Variants in NIPBL observed in about 807,000 individuals in gnomAD.
NIPBL encodes NIPBL cohesin loading factor.
NIPBL carries 19 observed loss-of-function variants against 321.8 expected under a neutral mutation model. That is an observed-to-expected ratio of 0.06 (90% CI 0.04 to 0.09). NIPBL has a LOEUF of 0.09. Ranked by LOEUF, NIPBL falls within the 10% of genes least tolerant of loss-of-function variation. The pLI, the probability that NIPBL is intolerant of heterozygous loss-of-function variation, is 1.00. For missense variants in NIPBL, 2,210 were observed against 3,327.0 expected (o/e 0.66, Z 8.26); for synonymous variants, 1,106 against 1,114.1 (o/e 0.99, Z 0.14).
chr5:37,019,630 A>T (rs2149695421), intron 25 of NIPBL, among the ~76,000 whole-genome samples: 1 of 152,314 alleles, frequency 6.6e-6, no homozygotes, highest in South Asian at 2.1e-4. Flanking sequence ...GTGACAAGAG[A>T]AATATTTGGA....
rs1378050646 is a variant in NIPBL at position 37,045,549 on chromosome 5, A to G, written c.6450A>G (p.Leu2150=). The G allele has an allele frequency of 8.7e-6, 14 of 1,614,002 alleles. No homozygotes were observed. Among genetic ancestry groups the G allele is most frequent in the Admixed American group, 1.7e-5 (1 of 59,992 alleles). ...LLRSLFTVGA[L]CRHFDFDLED... is the part of the protein sequence containing the mutation. Reference sequence around the variant, plus strand: ...GATCCCTTTTCACCGTTGGAGCACTATGTCGGCATTTTGATTTTGATCTGG... The same window carrying G: ...GATCCCTTTTCACCGTTGGAGCACTGTGTCGGCATTTTGATTTTGATCTGG... The change falls in exon 37 of 47, where the codon CTA becomes CTG. Residue 2150 remains leucine, a synonymous_variant. Coordinates refer to ENST00000282516, the MANE Select transcript of NIPBL (RefSeq NM_133433.4).
Position 37,065,688 on chromosome 5 carries a change from AAG to A in NIPBL, c.*799_*800del, listed in dbSNP as rs1755297926. On this transcript the variant is annotated 3_prime_UTR_variant, in exon 47 of 47. Transcript: ENST00000282516. ...TGGTATCTATTATTTTCATTCCCAT[AAG>A]AGGGTGTAAACAATTAACTCCAGGG... is the stretch of plus-strand genomic sequence containing the variant. 6.5e-6 allele frequency: 1 copy of A among 152,774 alleles called. No homozygotes were observed. The highest frequency in any genetic ancestry group is 2.1e-4 in the South Asian group (1 of 4,828). The allele number at this position is 152,774 out of a possible 1,614,324, so 9.5% of individuals were successfully genotyped here. A position where few individuals can be genotyped will look rare whatever the true frequency, so the allele number is the denominator to read the frequency against.
chr5:37,023,421 G>A (rs1196579237), intron 29 of NIPBL, among the ~76,000 whole-genome samples: 1 of 152,082 alleles, frequency 6.6e-6, no homozygotes, highest in Non-Finnish European at 1.5e-5. Flanking sequence ...ATGAAAGTTT[G>A]TTAAAGAAAA....
chr5:37,061,084 C>T, intron 45 of NIPBL, 66 bp downstream of exon 45: 1 of 1,184,000 alleles, frequency 8.4e-7, no homozygotes, highest in South Asian at 1.2e-5. Flanking sequence ...ATGTGGGGGG[C>T]CGGTGGGGAG....
chr5:37,065,191 A>G lies in NIPBL; in HGVS notation c.*299A>G, dbSNP rs1755258653. 1 of 409,406 alleles carries G rather than the reference A, an allele frequency of 2.4e-6. No homozygotes were observed. The highest frequency in any genetic ancestry group is 4.0e-5 in the Admixed American group (1 of 24,906). 25.4% of individuals were successfully genotyped at this position (409,406 alleles called of 1,614,324 possible). A position where few individuals can be genotyped will look rare whatever the true frequency, so the allele number is the denominator to read the frequency against. On this transcript the variant is annotated 3_prime_UTR_variant, in exon 47 of 47. Transcript: ENST00000282516. ...AAAAATAAACAAGTGAATGTTGGAA[A>G]TTAGTCTGTTAATGTTCTTAATAAA...
In NIPBL at chr5:37,032,269, T is replaced by C. The variant is rs527732659; in HGVS notation, c.5863-4110T>C. Among the ~76,000 whole-genome samples the C allele has an allele frequency of 5.3e-5, 8 of 152,296 alleles. No individual in the cohort carries two copies. In the East Asian group the frequency reaches 1.5e-3, roughly 29 times the overall value. ...CTAAAAATTTGTGCATTTTATTGCA[T>C]GTACATTTTATCTCAAGGAAAAAAC... On this transcript the variant is annotated intron_variant, in intron 32 of 46. Transcript: ENST00000282516.
intron 43 of NIPBL, 87 bp downstream of exon 43, chr5:37,057,419 ATCC>A: frequency 1.5e-6 from 2 of 1,295,548 alleles, no homozygotes; most frequent in Non-Finnish European, 2.2e-6. Flanking sequence ...TATTCTTTTT[ATCC>A]TCTTCACGAG....
At chr5:37,044,967 T>C (rs901394686) in intron 36 of NIPBL, among the ~76,000 whole-genome samples, 3 of 152,204 alleles carry the variant, frequency 2.0e-5, no homozygotes, top group African/African-American at 7.2e-5. Context: ...TTGCGCACTG[T>C]GAAAAGTAAA....
At chr5:36,992,827 C>T (rs1336976337) in intron 10 of NIPBL, among the ~76,000 whole-genome samples, 6 of 151,994 alleles carry the variant, frequency 3.9e-5, no homozygotes, top group Admixed American at 2.0e-4. Context: ...ACTGCAGACT[C>T]CGCCTTCCGG....
chr5:37,023,750 C>CTTTTTTTTTTTTTT (rs779595045), intron 29 of NIPBL, among the ~76,000 whole-genome samples: 13 of 75,816 alleles, frequency 1.7e-4, no homozygotes, highest in Non-Finnish European at 2.4e-4. Flanking sequence ...TTTTCTTATT[C>CTTTTTTTTTTTTTT]TTTTTTTTTT....
chr5:37,064,022 A>G, intron 46 of NIPBL, 44 bp downstream of exon 46: 2 of 1,603,450 alleles, frequency 1.2e-6, no homozygotes, highest in Non-Finnish European at 1.7e-6. Flanking sequence ...CGTATTACGT[A>G]AAATGATTTT....
At position 37,006,499 on chromosome 5, in the gene NIPBL, T is replaced by C; in HGVS notation, c.3998T>C (p.Ile1333Thr). The C allele has an allele frequency of 1.2e-6, 2 of 1,612,310 alleles. No individual in the cohort carries two copies. Among genetic ancestry groups the C allele is most frequent in the Non-Finnish European group, 1.7e-6 (2 of 1,178,636 alleles). ...MPKAVYIEDV[I>T]ERVIQYTKFH... is the part of the protein sequence containing the mutation. Reference sequence around the variant, plus strand: ...AAAGCTGTGTACATTGAGGATGTAATTGAAAGAGTTATACAGTACACTAAA... The same window carrying C: ...AAAGCTGTGTACATTGAGGATGTAACTGAAAGAGTTATACAGTACACTAAA... Residue 1333 changes from isoleucine (I) to threonine (T), a missense_variant, in exon 17 of 47, where the codon ATT becomes ACT. By Grantham distance (89) the Ile-to-Thr change is moderately conservative (BLOSUM62 -1). Transcript: ENST00000282516.
Position 36,976,176 on chromosome 5 carries a change from A to G in NIPBL, c.1269A>G (p.Gln423=). ...ATGCTGCTCAATGTTTGTCGCAGCAAGAACAAACAGCATTCCTTCCAGCAA... is the reference window on the plus strand; with the variant it reads ...ATGCTGCTCAATGTTTGTCGCAGCAGGAACAAACAGCATTCCTTCCAGCAA... ...PLNAAQCLSQ[Q]EQTAFLPANQ... The change falls in exon 9 of 47, where the codon CAA becomes CAG. Residue 423 remains glutamine, a synonymous_variant. Coordinates refer to ENST00000282516, the MANE Select transcript of NIPBL (RefSeq NM_133433.4). 1.2e-6 allele frequency: 2 copies of G among 1,612,856 alleles called. No homozygotes were observed. Among genetic ancestry groups the G allele is most frequent in the Non-Finnish European group, 1.7e-6 (2 of 1,179,234 alleles).
At chr5:37,014,035 G>T (rs184564439) in intron 21 of NIPBL, among the ~76,000 whole-genome samples, 13 of 152,202 alleles carry the variant, frequency 8.5e-5, no homozygotes, top group African/African-American at 2.4e-4. Flanking sequence ...GCGAAACCCC[G>T]TCTCCACCAA....
intron 42 of NIPBL, 108 bp from the exon 43 acceptor site, chr5:37,057,078 C>CTA: frequency 9.5e-7 from 1 of 1,054,560 alleles, no homozygotes; most frequent in South Asian, 1.3e-5. Context: ...TTATCTCTGT[C>CTA]TAACATTAAG....
intron 6 of NIPBL, among the ~76,000 whole-genome samples, chr5:36,968,518 G>T (rs542345825): frequency 6.6e-6 from 1 of 151,766 alleles, no homozygotes; most frequent in Non-Finnish European, 1.5e-5. Flanking sequence ...GCAGTGAGCC[G>T]AGATCGCCTG....
chr5:36,877,884 C>G (rs2149511824), intron 1 of NIPBL, among the ~76,000 whole-genome samples: 1 of 152,320 alleles, frequency 6.6e-6, no homozygotes, highest in South Asian at 2.1e-4. Context: ...CTCCCCCTCC[C>G]CAAGAGCTTT....
At chr5:36,938,601 A>G (rs1738717027) in intron 1 of NIPBL, among the ~76,000 whole-genome samples, 1 of 152,200 alleles carries the variant, frequency 6.6e-6, no homozygotes, top group African/African-American at 2.4e-5. Flanking sequence ...GCTAGTTTGA[A>G]CATTAAACTT....
At chr5:36,908,471 C>G (rs995918095) in intron 1 of NIPBL, among the ~76,000 whole-genome samples, 1 of 152,038 alleles carries the variant, frequency 6.6e-6, no homozygotes, top group South Asian at 2.1e-4. Context: ...TTTCCTAGTA[C>G]TAAAGTCAAC....
Sources: gnomAD v4.1 joint callset for allele counts (sites outside exome capture counted in the v4.1 genomes callset) on GRCh38, gnomAD v4.1.1 for gene constraint, MANE v1.5 for transcripts, NCBI Gene and HGNC (gene_info 2026-07-23, HGNC 2026-07-21) for gene names.